Variants in HAUS6 observed in about 807,000 individuals in gnomAD.
HAUS6 encodes the protein HAUS augmin-like complex subunit 6.
A neutral mutation model predicts 106.8 loss-of-function variants in HAUS6; 80 were observed. The ratio of observed to expected loss-of-function variants is 0.75; its 90% CI spans 0.63 to 0.90. The LOEUF (loss-of-function observed/expected upper bound fraction) is 0.90. Among genes scored for constraint, HAUS6 ranks in the 40% least tolerant of loss-of-function variants. The probability of loss-of-function intolerance (pLI) is 0.00; values close to 1 mark genes in which losing one functional copy is unlikely to be tolerated. For missense variants in HAUS6, 1,155 were observed against 1,118.1 expected (o/e 1.03, Z -0.47); for synonymous variants, 356 against 379.1 (o/e 0.94, Z 0.71).
chr9:19,093,026 T>G (rs1208849402), intron 4 of HAUS6, 145 bp downstream of exon 4: 1 of 607,598 alleles, frequency 1.6e-6, no homozygotes, highest in East Asian at 2.9e-5. Flanking sequence ...ACACTTCCAG[T>G]AGAATATTAA....
chr9:19,096,695 GACTGGTCCAGAACTTGAAAC>G lies in HAUS6; in HGVS notation c.183_202del (p.Leu61PhefsTer15). On this transcript the variant is annotated frameshift_variant, in exon 2 of 17. Coordinates refer to ENST00000380502, the MANE Select transcript of HAUS6 (RefSeq NM_017645.5). LOFTEE classifies it high-confidence loss of function. ...TTACTTGAAAACTTCTTTGGTGAGA[GACTGGTCCAGAACTTGAAAC>G]AAAAAATAAGAAATTATATGAAAGG... The G allele has an allele frequency of 1.3e-6, 2 of 1,496,920 alleles. No individual in the cohort carries two copies. Among genetic ancestry groups the G allele is most frequent in the Non-Finnish European group, 1.8e-6 (2 of 1,098,956 alleles). 92.7% of individuals were successfully genotyped at this position (1,496,920 alleles called of 1,614,324 possible).
chr9:19,058,190 G>A lies in HAUS6; in HGVS notation c.2577C>T (p.Pro859=), dbSNP rs147153475. ...GGCTCAATTCTGGTTTGTGTCTTTC[G>A]GGTGTTTGGGAATTCGAGAGGTAAG... is the stretch of plus-strand genomic sequence containing the variant. ...EESYLSNSQT[P]ERHKPELSPT... The change falls in exon 16 of 17, where the codon CCC becomes CCT. Residue 859 remains proline (P), a synonymous_variant. Transcript: ENST00000380502. 70 of 1,613,854 alleles carry A rather than the reference G, an allele frequency of 4.3e-5. No individual in the cohort carries two copies. The African/African-American group carries it at 6.5e-4, about 15-fold the overall frequency.
chr9:19,100,713 A>T (rs1221053758), intron 1 of HAUS6, among the ~76,000 whole-genome samples: 1 of 152,236 alleles, frequency 6.6e-6, no homozygotes, highest in Non-Finnish European at 1.5e-5. Context: ...ATGAATGGAT[A>T]AAGAAATTGT....
intron 14 of HAUS6, among the ~76,000 whole-genome samples, chr9:19,061,660 T>C (rs2171955): frequency 0.45 from 68,190 of 151,782 alleles, 16,744 homozygotes; most frequent in African/African-American, 0.67. Context: ...AAGAGTGAGT[T>C]CCCAACTCTA....
chr9:19,091,973 A>T (rs1439945753), intron 4 of HAUS6, among the ~76,000 whole-genome samples: 3 of 151,490 alleles, frequency 2.0e-5, no homozygotes, highest in Non-Finnish European at 2.9e-5. Context: ...AAAAATAAAC[A>T]TTTTTTTTTA....
chr9:19,076,449 A>C (rs1837005949), intron 11 of HAUS6, among the ~76,000 whole-genome samples, 153 bp downstream of exon 11: 1 of 152,214 alleles, frequency 6.6e-6, no homozygotes, highest in South Asian at 2.1e-4. Flanking sequence ...TATACTTTGC[A>C]ATAACTGAAA....
At chr9:19,076,485 TCAC>T in intron 11 of HAUS6, 114 bp downstream of exon 11, 1 of 676,952 alleles carries the variant, frequency 1.5e-6, no homozygotes, top group South Asian at 1.7e-5. Flanking sequence ...TACATGCATT[TCAC>T]CACAATAAAA....
chr9:19,092,840 G>A (rs1389567126), intron 4 of HAUS6, among the ~76,000 whole-genome samples: 1 of 150,140 alleles, frequency 6.7e-6, no homozygotes, highest in Non-Finnish European at 1.5e-5. Flanking sequence ...CAGGAAAATT[G>A]CTTGAACCTG....
intron 11 of HAUS6, 75 bp from the exon 12 acceptor site, chr9:19,070,375 G>T: frequency 1.2e-6 from 1 of 833,342 alleles, no homozygotes; most frequent in South Asian, 1.5e-5. Context: ...CTTGAAATTC[G>T]AGAACAACTT....
At chr9:19,067,711 A>G (rs1288709871) in intron 12 of HAUS6, among the ~76,000 whole-genome samples, 2 of 152,138 alleles carry the variant, frequency 1.3e-5, no homozygotes, top group African/African-American at 2.4e-5. Context: ...TTTTTCAGAT[A>G]GAGTTTCACT....
intron 2 of HAUS6, among the ~76,000 whole-genome samples, chr9:19,096,176 T>G (rs754783498): frequency 6.6e-6 from 1 of 152,014 alleles, no homozygotes; most frequent in Non-Finnish European, 1.5e-5. Context: ...AAGAAAAAAA[T>G]CACCCAGATT....
chr9:19,080,767 A>C (rs1837125119), intron 8 of HAUS6, 95 bp from the exon 9 acceptor site: 2 of 725,518 alleles, frequency 2.8e-6, no homozygotes, highest in Non-Finnish European at 4.5e-6. Context: ...ATTAAAGTTT[A>C]CCTTAAAGAA....
chr9:19,059,609 T>C (rs932533502), intron 15 of HAUS6, among the ~76,000 whole-genome samples: 8 of 152,160 alleles, frequency 5.3e-5, no homozygotes, highest in Admixed American at 2.0e-4. Flanking sequence ...AGGACACCAA[T>C]ATCAGAACTT....
chr9:19,063,831 G>C (rs544299666), intron 12 of HAUS6: 3 of 661,804 alleles, frequency 4.5e-6, no homozygotes, highest in Non-Finnish European at 8.5e-6. Context: ...ACAATATTTT[G>C]ATTTGAAAGA....
At chr9:19,093,926 C>T (rs988996000) in intron 3 of HAUS6, among the ~76,000 whole-genome samples, 3 of 152,134 alleles carry the variant, frequency 2.0e-5, no homozygotes, top group Admixed American at 1.3e-4. Context: ...TCCTTTTAAA[C>T]CACAAGTTAC....
chr9:19,091,764 C>T (rs1324837504), intron 4 of HAUS6, among the ~76,000 whole-genome samples: 2 of 152,232 alleles, frequency 1.3e-5, no homozygotes, highest in Non-Finnish European at 2.9e-5. Flanking sequence ...CAGGTTCAAG[C>T]GATTCTCGTG....
chr9:19,093,445 G>C, intron 3 of HAUS6, 142 bp from the exon 4 acceptor site: 1 of 750,764 alleles, frequency 1.3e-6, no homozygotes, highest in East Asian at 2.7e-5. Flanking sequence ...ATAGGTTGGC[G>C]TGGGGTTCCC....
At position 19,056,374 on chromosome 9, in the gene HAUS6, G is replaced by C; in HGVS notation, c.2837C>G (p.Ala946Gly). 3.9e-6 allele frequency: 6 copies of C among 1,553,244 alleles called. No individual in the cohort carries two copies. Among genetic ancestry groups the C allele is most frequent in the Non-Finnish European group, 5.3e-6 (6 of 1,125,378 alleles). The change falls in exon 17 of 17, where the codon GCA (alanine) becomes GGA (glycine). Residue 946 changes from alanine (A) to glycine (G), a missense_variant. Coordinates refer to ENST00000380502, the MANE Select transcript of HAUS6 (RefSeq NM_017645.5). ...TGTCAAGTCAGACGGTGGTTCTTTTGCATCAAGGCTCTTATTCAAAATGTC... is the reference window on the plus strand; with the variant it reads ...TGTCAAGTCAGACGGTGGTTCTTTTCCATCAAGGCTCTTATTCAAAATGTC... ...EEDILNKSLD[A>G]KEPPSDLTR
At chr9:19,060,056 G>C in intron 15 of HAUS6, 32 bp downstream of exon 15, 1 of 1,569,618 alleles carries the variant, frequency 6.4e-7, no homozygotes, top group Non-Finnish European at 8.7e-7. Flanking sequence ...GTCGATGAAA[G>C]AAAAAAGTAA....
Sources: allele counts gnomAD v4.1 joint callset (sites outside exome capture counted in the v4.1 genomes callset), GRCh38; gene constraint gnomAD v4.1.1; transcripts MANE v1.5; gene names NCBI Gene and HGNC (gene_info 2026-07-23, HGNC 2026-07-21).